Variants in SLC44A5 observed in about 807,000 individuals in gnomAD.
The protein encoded by SLC44A5 is solute carrier family 44 member 5.
SLC44A5 carries 57 observed loss-of-function variants against 101.8 expected under a neutral mutation model. The ratio of observed to expected loss-of-function variants is 0.56; its 90% CI spans 0.45 to 0.70. SLC44A5 has a LOEUF of 0.70. Ranked by LOEUF, SLC44A5 falls within the 30% of genes least tolerant of loss-of-function variation. SLC44A5 has a pLI of 0.00. For missense variants in SLC44A5, 737 were observed against 853.1 expected (o/e 0.86, Z 1.70); for synonymous variants, 281 against 290.9 (o/e 0.97, Z 0.35).
chr1:75,623,179 ATAGATAAT>A, the SLC44A5 span, among the ~76,000 whole-genome samples: 12 of 152,172 alleles, frequency 7.9e-5, no homozygotes, highest in African/African-American at 2.7e-4. Context: ...AACCAAATAA[ATAGATAAT>A]TACAAATTGT....
At chr1:75,583,860 C>T (rs1673843209) in intron 1 of SLC44A5, among the ~76,000 whole-genome samples, 1 of 152,166 alleles carries the variant, frequency 6.6e-6, no homozygotes, top group African/African-American at 2.4e-5. Context: ...TCCCTTCCCT[C>T]TAAAAAAAGT....
rs780814924 is a variant in SLC44A5, at chr1:75,234,056, T to C, written c.783A>G (p.Ile261Met). Residue 261 changes from isoleucine (I) to methionine (M), a missense_variant, in exon 12 of 24, where the codon ATA becomes ATG. Transcript: ENST00000370859. Reference sequence around the variant, plus strand: ...GGCATCCAGCTATGAACCTCAGAAGTATCAAAAATATCCAACTAAGGACCA... The same window carrying C: ...GGCATCCAGCTATGAACCTCAGAAGCATCAAAAATATCCAACTAAGGACCA... ...IAMVLSWIFLILLRFIAGCLF... is the reference protein window; with the variant it reads ...IAMVLSWIFLMLLRFIAGCLF... The C allele has an allele frequency of 1.9e-6, 3 of 1,613,324 alleles. No individual in the cohort carries two copies. In the East Asian group the frequency reaches 6.7e-5, roughly 36 times the overall value.
the SLC44A5 span, among the ~76,000 whole-genome samples, chr1:75,652,808 A>G: frequency 6.6e-6 from 1 of 152,144 alleles, no homozygotes; most frequent in African/African-American, 2.4e-5. Context: ...AAAAGAACAA[A>G]AACAAAAAAA....
intron 2 of SLC44A5, among the ~76,000 whole-genome samples, chr1:75,539,248 C>T (rs763984907): frequency 1.6e-4 from 25 of 152,164 alleles, no homozygotes; most frequent in Non-Finnish European, 3.5e-4. Context: ...TTGTACCTTA[C>T]CTACATGTAA....
the SLC44A5 span, among the ~76,000 whole-genome samples, chr1:75,682,419 G>C: frequency 1.3e-5 from 2 of 151,668 alleles, no homozygotes; most frequent in Non-Finnish European, 2.9e-5. Flanking sequence ...ATAGATCAAT[G>C]GAACAGAACA....
intron 6 of SLC44A5, among the ~76,000 whole-genome samples, chr1:75,262,651 C>CA (rs2100696512): frequency 6.6e-6 from 1 of 152,126 alleles, no homozygotes; most frequent in Admixed American, 6.5e-5. Context: ...CATATGGAAC[C>CA]AAAAAAGAGC....
intron 2 of SLC44A5, among the ~76,000 whole-genome samples, chr1:75,505,571 T>A (rs1160524417): frequency 6.6e-6 from 1 of 152,166 alleles, no homozygotes; most frequent in Non-Finnish European, 1.5e-5. Context: ...TGGTATTTCA[T>A]TATGGGTTTG....
the SLC44A5 span, among the ~76,000 whole-genome samples, chr1:75,707,258 G>A: frequency 1.3e-5 from 2 of 152,348 alleles, no homozygotes; most frequent in East Asian, 3.9e-4. Context: ...GCAGCTAGGT[G>A]ACTGCCTGGC....
chr1:75,684,773 G>T, the SLC44A5 span, among the ~76,000 whole-genome samples: 1 of 152,140 alleles, frequency 6.6e-6, no homozygotes, highest in African/African-American at 2.4e-5. Context: ...AGTGTCTGCA[G>T]GTTTTCCAGG....
At chr1:75,591,153 T>G (rs1674328788) in intron 1 of SLC44A5, among the ~76,000 whole-genome samples, 1 of 152,118 alleles carries the variant, frequency 6.6e-6, no homozygotes, top group Non-Finnish European at 1.5e-5. Flanking sequence ...TTCTCCTGAA[T>G]CTTATCCAAG....
At chr1:75,677,075 C>A in the SLC44A5 span, among the ~76,000 whole-genome samples, 1 of 152,032 alleles carries the variant, frequency 6.6e-6, no homozygotes, top group Non-Finnish European at 1.5e-5. Flanking sequence ...TTCATCAACA[C>A]CAGATCTCTC....
chr1:75,506,315 G>T lies in SLC44A5; in HGVS notation c.13+35120C>A, dbSNP rs553029852. The stretch of plus-strand genomic sequence containing the variant: ...CTCAAGCTTTGTTCTTTTTGCTTAG[G>T]ATTACTTTGGCTATTCAGGTTCCTT... On this transcript the variant is annotated intron_variant, in intron 2 of 23. Transcript: ENST00000370859. 6.6e-5 allele frequency among the ~76,000 whole-genome samples: 10 copies of T among 152,172 alleles called. No individual in the cohort carries two copies. The East Asian group carries it at 1.9e-3, about 29-fold the overall frequency.
At chr1:75,619,178 A>G in the SLC44A5 span, among the ~76,000 whole-genome samples, 1 of 144,694 alleles carries the variant, frequency 6.9e-6, no homozygotes, top group Non-Finnish European at 1.5e-5. Context: ...GACAGGGAGG[A>G]TGGAAGGAAG....
rs61798715 is a variant in SLC44A5 at position 75,471,150 on chromosome 1, C to T, written c.13+70285G>A. On this transcript the variant is annotated intron_variant, in intron 2 of 23. Coordinates refer to ENST00000370859, the MANE Select transcript of SLC44A5 (RefSeq NM_001130058.2). Reference sequence around the variant, plus strand: ...GATCTATTTTTTAACCTTTTTTTTACGGCCTGGCTGTGTTTCTTTGGAGTT... The same window carrying T: ...GATCTATTTTTTAACCTTTTTTTTATGGCCTGGCTGTGTTTCTTTGGAGTT... Among the ~76,000 whole-genome samples the T allele has an allele frequency of 3.8e-3, 572 of 151,782 alleles. 4 individuals are homozygous for T. The highest frequency in any genetic ancestry group is 4.6e-3 in the Non-Finnish European group (314 of 67,914).
chr1:75,203,945 T>TTA, intron 23 of SLC44A5, 112 bp from the exon 24 acceptor site: 4 of 1,311,828 alleles, frequency 3.0e-6, no homozygotes, highest in Non-Finnish European at 4.0e-6. Flanking sequence ...TTGTTGTTTT[T>TTA]TTTTTGTTGT....
At chr1:75,299,912 A>G (rs1326869424) in intron 5 of SLC44A5, among the ~76,000 whole-genome samples, 1 of 148,840 alleles carries the variant, frequency 6.7e-6, no homozygotes, top group East Asian at 2.0e-4. Flanking sequence ...GCTACTCGGG[A>G]GGCTGAGACA....
chr1:75,556,069 G>C (rs961987951), intron 1 of SLC44A5, among the ~76,000 whole-genome samples: 3 of 150,762 alleles, frequency 2.0e-5, no homozygotes, highest in Non-Finnish European at 3.0e-5. Context: ...AAGGAGGAGG[G>C]GATGGAGAGT....
At chr1:75,659,363 GGAAA>G in the SLC44A5 span, among the ~76,000 whole-genome samples, 1,032 of 137,596 alleles carry the variant, frequency 7.5e-3, 15 homozygotes, top group African/African-American at 0.026. Context: ...AAAGAAAGAA[GGAAA>G]GAAAGAAAGA....
chr1:75,273,882 G>A (rs765867116), intron 6 of SLC44A5, among the ~76,000 whole-genome samples: 15 of 151,968 alleles, frequency 9.9e-5, no homozygotes, highest in Non-Finnish European at 1.5e-4. Flanking sequence ...AGGGTGATAC[G>A]GGCTTCCTAG....
Sources: gnomAD v4.1 joint callset for allele counts (sites outside exome capture counted in the v4.1 genomes callset) on GRCh38, gnomAD v4.1.1 for gene constraint, MANE v1.5 for transcripts, NCBI Gene and HGNC (gene_info 2026-07-23, HGNC 2026-07-21) for gene names.